RBPJ: variants seen among roughly 807,000 people sequenced by gnomAD.
The protein encoded by RBPJ is recombining binding protein suppressor of hairless.
A neutral mutation model predicts 67.8 loss-of-function variants in RBPJ; 9 were observed. The ratio of observed to expected loss-of-function variants is 0.13; its 90% confidence interval spans 0.08 to 0.23. The LOEUF (loss-of-function observed/expected upper bound fraction) is 0.23. Among genes scored for constraint, RBPJ ranks in the 10% least tolerant of loss-of-function variants. The pLI is 1.00. For synonymous variants in RBPJ, 198 were observed against 203.3 expected (o/e 0.97, Z 0.22); for missense variants, 305 against 595.6 (o/e 0.51, Z 5.08).
chr4:26,417,078 G>T (rs375530161), intron 4 of RBPJ, among the ~76,000 whole-genome samples: 35 of 152,234 alleles, frequency 2.3e-4, no homozygotes, highest in African/African-American at 8.2e-4. Context: ...CTGTTTTCTT[G>T]TTACCTAGGA....
At chr4:26,301,237 ATCC>A (rs1314528187) in intron 1 of RBPJ, among the ~76,000 whole-genome samples, 1 of 152,190 alleles carries the variant, frequency 6.6e-6, no homozygotes, top group Non-Finnish European at 1.5e-5. Flanking sequence ...GATCTGACCC[ATCC>A]TCCTGCACCA....
chr4:26,280,395 C>CAAA (rs11295196), intron 1 of RBPJ, among the ~76,000 whole-genome samples: 4 of 86,814 alleles, frequency 4.6e-5, no homozygotes, highest in South Asian at 4.1e-4. Context: ...CACTTCATCT[C>CAAA]AAAAAAAAAA....
chr4:26,310,659 T>C (rs930017412), intron 1 of RBPJ, among the ~76,000 whole-genome samples: 1 of 137,628 alleles, frequency 7.3e-6, no homozygotes, highest in Non-Finnish European at 1.5e-5. Flanking sequence ...TATTTGCCTG[T>C]TTTAACTTTT....
At chr4:26,298,480 A>G (rs1375758510) in intron 1 of RBPJ, among the ~76,000 whole-genome samples, 1 of 152,192 alleles carries the variant, frequency 6.6e-6, no homozygotes, top group Non-Finnish European at 1.5e-5. Flanking sequence ...CAGTTTTACA[A>G]ACTCCACGGG....
At chr4:26,366,264 G>C (rs1001818403) in intron 1 of RBPJ, among the ~76,000 whole-genome samples, 1 of 151,706 alleles carries the variant, frequency 6.6e-6, no homozygotes, top group Non-Finnish European at 1.5e-5. Context: ...AATATTACCA[G>C]ATCAGTAGTT....
chr4:26,339,175 ATC>A (rs974102923), intron 1 of RBPJ, among the ~76,000 whole-genome samples: 1 of 152,142 alleles, frequency 6.6e-6, no homozygotes, highest in African/African-American at 2.4e-5. Flanking sequence ...TTCAAATATA[ATC>A]TGTTACTTGA....
At chr4:26,148,147 G>A in the RBPJ span, among the ~76,000 whole-genome samples, 5 of 152,200 alleles carry the variant, frequency 3.3e-5, no homozygotes, top group Admixed American at 6.5e-5. Context: ...ACTTAAGGGA[G>A]AGAGAGTGGA....
chr4:26,393,589 A>T (rs1022862684), intron 2 of RBPJ, among the ~76,000 whole-genome samples: 2 of 151,562 alleles, frequency 1.3e-5, no homozygotes, highest in Non-Finnish European at 2.9e-5. Flanking sequence ...GGCCCAGGCT[A>T]GTCTTGAACT....
At chr4:26,219,589 G>A (rs11947916) in intron 1 of RBPJ, among the ~76,000 whole-genome samples, 3,075 of 152,232 alleles carry the variant, frequency 0.02, 122 homozygotes, top group African/African-American at 0.07. Flanking sequence ...AAAAGTGAAC[G>A]TGAACTCTTT....
intron 1 of RBPJ, among the ~76,000 whole-genome samples, chr4:26,292,904 GA>G (rs1721719518): frequency 6.6e-6 from 1 of 150,562 alleles, no homozygotes; most frequent in Non-Finnish European, 1.5e-5. Context: ...TGGCTATTGT[GA>G]ATAATGCTCC....
rs1431163090 is a variant in RBPJ at position 26,215,324 on chromosome 4, AGAAAAAG to A, written c.-167+51711_-167+51717del. 8.9e-5 allele frequency among the ~76,000 whole-genome samples: 7 copies of A among 79,028 alleles called. No individual in the cohort carries two copies. In the East Asian group the frequency reaches 7.9e-3, roughly 89 times the overall value. 51.8% of individuals were successfully genotyped at this position (79,028 alleles called of 152,430 possible). A position where few individuals can be genotyped will look rare whatever the true frequency, so the allele number is the denominator to read the frequency against. ...AGAGAGAGAAAAGAGAAAGAAAGAA[AGAAAAAG>A]AGAGAGAGAAAGAAAGAAAAAAAGA... is the stretch of plus-strand genomic sequence containing the variant. On this transcript the variant is annotated intron_variant, in intron 1 of 4. Transcript: ENST00000512351.
chr4:26,320,668 TC>T, upstream of RBPJ: 1 of 1,460,710 alleles, frequency 6.8e-7, no homozygotes, highest in South Asian at 1.4e-5. Flanking sequence ...CCATTCCTCG[TC>T]CCCGTAGTAA....
chr4:26,237,731 C>A (rs990566788), intron 1 of RBPJ, among the ~76,000 whole-genome samples: 1 of 152,270 alleles, frequency 6.6e-6, no homozygotes, highest in East Asian at 1.9e-4. Context: ...ACAATTTGGA[C>A]AATACACACT....
Position 26,391,846 on chromosome 4 carries a change from A to AAACCAC in RBPJ, c.59+5455_59+5456insAACCAC, listed in dbSNP as rs1553875857. ...TCCCACTGGTTTGCTATAATAGTGTACCATTAACTGGGTGGCTTATAAGCC... is the reference window on the plus strand; with the variant it reads ...TCCCACTGGTTTGCTATAATAGTGTAAACCACCCATTAACTGGGTGGCTTATAAGCC... On this transcript the variant is annotated intron_variant, in intron 2 of 10. Transcript: ENST00000355476. 1.5e-4 allele frequency among the ~76,000 whole-genome samples: 23 copies of AAACCAC among 152,350 alleles called. No individual in the cohort carries two copies. The South Asian group carries it at 4.6e-3, about 30-fold the overall frequency.
At chr4:26,120,054 G>A in the RBPJ span, among the ~76,000 whole-genome samples, 5 of 152,184 alleles carry the variant, frequency 3.3e-5, no homozygotes, top group Non-Finnish European at 2.9e-5. Context: ...TTTGAAAGAT[G>A]CTAAGAAGCC....
At chr4:26,182,868 A>G (rs990941345) in intron 1 of RBPJ, among the ~76,000 whole-genome samples, 6 of 152,226 alleles carry the variant, frequency 3.9e-5, no homozygotes, top group Non-Finnish European at 8.8e-5. Flanking sequence ...GGCCAGGATC[A>G]TCAGTATCAC....
intron 1 of RBPJ, chr4:26,362,398 T>C (rs1252730710): frequency 1.6e-6 from 2 of 1,226,266 alleles, no homozygotes; most frequent in African/African-American, 3.1e-5. Context: ...GCACTAGCAG[T>C]TTAACATACC....
intron 1 of RBPJ, among the ~76,000 whole-genome samples, chr4:26,205,268 T>C (rs1718130489): frequency 6.6e-6 from 1 of 152,214 alleles, no homozygotes; most frequent in Non-Finnish European, 1.5e-5. Flanking sequence ...CATCTTTCAC[T>C]GCCAGCTGCC....
At position 26,407,883 on chromosome 4, in the gene RBPJ, C is replaced by CTTTT. The variant is rs61575988; in HGVS notation, c.155+1639_155+1642dup. ...TGAAAAGAGGGGTAAAGCTTTCTTT[C>CTTTT]TTTTTTTTTTTTTTTTTTTTTTTTT... On this transcript the variant is annotated intron_variant, in intron 3 of 10. Coordinates refer to ENST00000355476, the MANE Select transcript of RBPJ (RefSeq NM_015874.6). Among the ~76,000 whole-genome samples the CTTTT allele has an allele frequency of 2.6e-3, 165 of 63,632 alleles. 6 individuals are homozygous for CTTTT. Among genetic ancestry groups the CTTTT allele is most frequent in the African/African-American group, 6.8e-3 (103 of 15,130 alleles). The allele number at this position is 63,632 out of a possible 152,430, so 41.7% of individuals were successfully genotyped here.
Sources: gnomAD v4.1 joint callset for allele counts (sites outside exome capture counted in the v4.1 genomes callset) on GRCh38, gnomAD v4.1.1 for gene constraint, MANE v1.5 for transcripts, NCBI Gene and HGNC (gene_info 2026-07-23, HGNC 2026-07-21) for gene names.